ADGRL2: variants seen among roughly 807,000 people sequenced by gnomAD.
ADGRL2 encodes the protein adhesion G protein-coupled receptor L2, also known as calcium-independent alpha-latrotoxin receptor 2.
A neutral mutation model predicts 157.4 loss-of-function variants in ADGRL2; 44 were observed. The observed-to-expected ratio is 0.28, with a 90% CI of 0.22 to 0.36. The LOEUF (loss-of-function observed/expected upper bound fraction) is 0.36, where lower values mean the gene tolerates loss of function less well. Among genes scored for constraint, ADGRL2 ranks in the 10% least tolerant of loss-of-function variants. ADGRL2 has a pLI of 1.00. For synonymous variants in ADGRL2, 585 were observed against 624.7 expected, an observed-to-expected ratio of 0.94 and a Z score of 0.95; for missense variants, 1,510 against 1,768.9, an observed-to-expected ratio of 0.85 and a Z score of 2.63.
At chr1:81,625,192 A>T (rs1484942725) in intron 3 of ADGRL2, among the ~76,000 whole-genome samples, 1 of 152,192 alleles carries the variant, frequency 6.6e-6, no homozygotes, top group Non-Finnish European at 1.5e-5. Context: ...CAGAATGCTT[A>T]TCAGGAGAAA....
At chr1:81,577,306 C>T (rs536949292) in intron 2 of ADGRL2, among the ~76,000 whole-genome samples, 1 of 152,238 alleles carries the variant, frequency 6.6e-6, no homozygotes, top group East Asian at 1.9e-4. Flanking sequence ...AGATGCAGTC[C>T]CTGCTTTCAT....
upstream of ADGRL2, among the ~76,000 whole-genome samples, chr1:81,798,606 T>A (rs886521486): frequency 2.0e-5 from 3 of 152,068 alleles, no homozygotes; most frequent in African/African-American, 7.2e-5. Context: ...TTTTGATAAA[T>A]TCTTCCCCCT....
chr1:81,566,315 C>A (rs2148475713), intron 2 of ADGRL2, among the ~76,000 whole-genome samples: 1 of 152,262 alleles, frequency 6.6e-6, no homozygotes, highest in South Asian at 2.1e-4. Flanking sequence ...TATTACCCCT[C>A]TAACTAGAAT....
rs551816370 is a variant in ADGRL2, at chr1:81,617,017, G to C, written c.-143+36037G>C. ...ATAGAGGTAAGGCATTCACTTCCAT[G>C]GGCAAGTTCATTGAACATCAGTCTA... On this transcript the variant is annotated intron_variant, in intron 3 of 24. Transcript: ENST00000370721. Among the ~76,000 whole-genome samples, 15 of 152,216 alleles carry C rather than the reference G, an allele frequency of 9.9e-5. No individual in the cohort carries two copies. In the South Asian group the frequency reaches 3.1e-3, roughly 32 times the overall value.
intron 2 of ADGRL2, among the ~76,000 whole-genome samples, chr1:81,540,354 T>C (rs2079852602): frequency 6.6e-6 from 1 of 152,196 alleles, no homozygotes; most frequent in Non-Finnish European, 1.5e-5. Context: ...CAAATATGTA[T>C]TGAACACTTA....
chr1:81,516,072 C>T (rs2079170864), intron 2 of ADGRL2, among the ~76,000 whole-genome samples: 1 of 152,114 alleles, frequency 6.6e-6, no homozygotes, highest in African/African-American at 2.4e-5. Context: ...TGTCCTAATA[C>T]ACTGGTTACA....
At chr1:81,657,714 T>C (rs1258876941) in intron 3 of ADGRL2, among the ~76,000 whole-genome samples, 1 of 152,162 alleles carries the variant, frequency 6.6e-6, no homozygotes, top group Non-Finnish European at 1.5e-5. Context: ...TAAGAAACCC[T>C]GATGTCATTT....
chr1:81,632,315 C>T (rs528174851), intron 3 of ADGRL2, among the ~76,000 whole-genome samples: 2 of 152,218 alleles, frequency 1.3e-5, no homozygotes, highest in African/African-American at 4.8e-5. Context: ...ATGGGATGGC[C>T]TTAGTAGGAC....
At chr1:81,310,566 T>C (rs17106378) in intron 1 of ADGRL2, among the ~76,000 whole-genome samples, 2,397 of 152,290 alleles carry the variant, frequency 0.016, 69 homozygotes, top group African/African-American at 0.056. Context: ...CAGCATTCTT[T>C]TTAGATCTTT....
intron 1 of ADGRL2, among the ~76,000 whole-genome samples, chr1:81,317,964 C>T (rs146033366): frequency 2.8e-4 from 42 of 152,174 alleles, no homozygotes; most frequent in Non-Finnish European, 4.7e-4. Context: ...GTGATTGTAT[C>T]ATAAATGCAT....
At chr1:81,378,566 TAA>T (rs58850012) in intron 1 of ADGRL2, among the ~76,000 whole-genome samples, 16 of 101,302 alleles carry the variant, frequency 1.6e-4, no homozygotes, top group African/African-American at 1.6e-4. Flanking sequence ...CCTTGTATCT[TAA>T]AAAAAAAAAA....
intron 2 of ADGRL2, among the ~76,000 whole-genome samples, chr1:81,883,971 T>C (rs1345947138): frequency 6.8e-6 from 1 of 146,798 alleles, no homozygotes; most frequent in Non-Finnish European, 1.5e-5. Flanking sequence ...AATAAATGTT[T>C]CTTTGTTTTC....
intron 2 of ADGRL2, among the ~76,000 whole-genome samples, chr1:81,470,806 A>G (rs2078156008): frequency 6.6e-6 from 1 of 152,242 alleles, no homozygotes; most frequent in Admixed American, 6.5e-5. Context: ...CAGTTGTCAC[A>G]TAGTGAGCTT....
At chr1:81,390,962 T>C (rs2076538458) in intron 1 of ADGRL2, among the ~76,000 whole-genome samples, 1 of 152,306 alleles carries the variant, frequency 6.6e-6, no homozygotes, top group Non-Finnish European at 1.5e-5. Context: ...TCATGTATTT[T>C]CTCAATCAAA....
At chr1:81,608,448 TTAA>T in intron 3 of ADGRL2, among the ~76,000 whole-genome samples, 1 of 152,308 alleles carries the variant, frequency 6.6e-6, no homozygotes, top group Admixed American at 6.5e-5. Flanking sequence ...TTAGATCTCA[TTAA>T]TAAACATCAC....
intron 2 of ADGRL2, among the ~76,000 whole-genome samples, chr1:81,531,382 G>C (rs2079595352): frequency 6.6e-6 from 1 of 152,172 alleles, no homozygotes; most frequent in Non-Finnish European, 1.5e-5. Flanking sequence ...ATAACTGATA[G>C]AGATTCTGAG....
chr1:81,709,942 C>A (rs908485163), intron 1 of ADGRL2, among the ~76,000 whole-genome samples: 5 of 152,114 alleles, frequency 3.3e-5, no homozygotes, highest in African/African-American at 1.2e-4. Flanking sequence ...ATAACTGTTT[C>A]CCCGTCCCCC....
At chr1:81,446,942 G>A (rs1445427845) in intron 2 of ADGRL2, among the ~76,000 whole-genome samples, 1 of 152,086 alleles carries the variant, frequency 6.6e-6, no homozygotes, top group Non-Finnish European at 1.5e-5. Flanking sequence ...AAAATGGCAT[G>A]TTAAAGTTTA....
At chr1:81,353,149 C>G (rs1663034233) in intron 1 of ADGRL2, among the ~76,000 whole-genome samples, 1 of 152,122 alleles carries the variant, frequency 6.6e-6, no homozygotes, top group East Asian at 1.9e-4. Context: ...TCAAAATTTG[C>G]ACCCAGGCAG....
Sources: gnomAD v4.1 joint callset for allele counts (sites outside exome capture counted in the v4.1 genomes callset) on GRCh38, gnomAD v4.1.1 for gene constraint, MANE v1.5 for transcripts, NCBI Gene and HGNC (gene_info 2026-07-23, HGNC 2026-07-21) for gene names.